Variants in SGCD observed in about 807,000 individuals in gnomAD.
SGCD encodes delta-sarcoglycan.
In SGCD, 18 loss-of-function variants were observed where a neutral mutation model predicts 36.6. The observed-to-expected ratio is 0.49, with a 90% CI of 0.34 to 0.73. The LOEUF (loss-of-function observed/expected upper bound fraction) is 0.73, where lower values mean the gene tolerates loss of function less well. Ranked by LOEUF, SGCD falls within the 30% of genes least tolerant of loss-of-function variation. The pLI, the probability that SGCD is intolerant of heterozygous loss-of-function variation, is 0.01. For missense variants in SGCD, 387 were observed against 346.7 expected, an observed-to-expected ratio of 1.12 and a Z score of -0.92; for synonymous variants, 133 against 130.6, an observed-to-expected ratio of 1.02 and a Z score of -0.12.
At chr5:156,511,848 C>T (rs1263134055) in intron 4 of SGCD, among the ~76,000 whole-genome samples, 2 of 152,148 alleles carry the variant, frequency 1.3e-5, no homozygotes, top group African/African-American at 4.8e-5. Context: ...CAGCGAATCA[C>T]TGAAAATGAA....
chr5:156,132,058 G>T (rs1435334933), intron 3 of SGCD, among the ~76,000 whole-genome samples: 2 of 152,158 alleles, frequency 1.3e-5, no homozygotes, highest in South Asian at 4.1e-4. Flanking sequence ...CTATTACCAA[G>T]TTGCTATATA....
At chr5:156,557,843 A>G (rs951054048) in intron 4 of SGCD, among the ~76,000 whole-genome samples, 6 of 151,944 alleles carry the variant, frequency 3.9e-5, no homozygotes, top group African/African-American at 1.4e-4. Flanking sequence ...TGTATCTTAT[A>G]TAACTTTAAT....
chr5:156,456,760 T>C (rs1426343382), intron 3 of SGCD, among the ~76,000 whole-genome samples: 1 of 152,208 alleles, frequency 6.6e-6, no homozygotes, highest in Non-Finnish European at 1.5e-5. Context: ...CATAAGATTA[T>C]AAATTTCCAT....
intron 5 of SGCD, among the ~76,000 whole-genome samples, chr5:156,590,294 A>T (rs1397643808): frequency 6.6e-6 from 1 of 151,936 alleles, no homozygotes; most frequent in Non-Finnish European, 1.5e-5. Context: ...AGGGAGCCTC[A>T]CTCCCACTCT....
At chr5:156,415,171 A>G (rs867313802) in intron 3 of SGCD, among the ~76,000 whole-genome samples, 1 of 152,178 alleles carries the variant, frequency 6.6e-6, no homozygotes, top group African/African-American at 2.4e-5. Context: ...CTAGAAGAAG[A>G]TGAATCTTAA....
At chr5:156,019,175 C>T (rs1288036987) in intron 1 of SGCD, among the ~76,000 whole-genome samples, 5 of 152,268 alleles carry the variant, frequency 3.3e-5, no homozygotes, top group African/African-American at 1.2e-4. Flanking sequence ...TTCTAATACT[C>T]ACATATTTCA....
At chr5:156,614,182 T>G (rs757982893) in intron 6 of SGCD, among the ~76,000 whole-genome samples, 13 of 152,180 alleles carry the variant, frequency 8.5e-5, no homozygotes, top group Non-Finnish European at 1.8e-4. Flanking sequence ...TGGCCTCAAG[T>G]GATCTACCTG....
intron 7 of SGCD, among the ~76,000 whole-genome samples, chr5:156,699,018 C>G (rs564937549): frequency 1.8e-4 from 27 of 152,228 alleles, no homozygotes; most frequent in African/African-American, 6.5e-4. Flanking sequence ...AGAATAAGCT[C>G]CAGCTACCAT....
At chr5:156,390,346 T>C (rs569785638) in intron 3 of SGCD, among the ~76,000 whole-genome samples, 1 of 152,248 alleles carries the variant, frequency 6.6e-6, no homozygotes, top group East Asian at 1.9e-4. Context: ...TGGGACAAGA[T>C]GTGGAGGTGG....
intron 4 of SGCD, among the ~76,000 whole-genome samples, chr5:156,576,165 A>C (rs1759940635): frequency 6.6e-6 from 1 of 152,000 alleles, no homozygotes; most frequent in Non-Finnish European, 1.5e-5. Context: ...ATGAGTGAGA[A>C]CATGCGGTGT....
At chr5:155,836,480 C>G in the SGCD span, among the ~76,000 whole-genome samples, 2 of 147,372 alleles carry the variant, frequency 1.4e-5, no homozygotes, top group Admixed American at 6.7e-5. Flanking sequence ...ACCCCCGCCC[C>G]GCACTCAATC....
At chr5:156,061,222 C>A (rs981285687) in intron 1 of SGCD, among the ~76,000 whole-genome samples, 1 of 144,750 alleles carries the variant, frequency 6.9e-6, no homozygotes, top group Non-Finnish European at 1.6e-5. Context: ...GTTATCCAAA[C>A]CATACATAGT....
At chr5:155,974,550 A>C (rs982846746) in intron 1 of SGCD, among the ~76,000 whole-genome samples, 1 of 148,970 alleles carries the variant, frequency 6.7e-6, no homozygotes, top group Admixed American at 6.7e-5. Context: ...CTGGACGGCC[A>C]GTAGCAGTGA....
chr5:155,827,017 T>C, the SGCD span, among the ~76,000 whole-genome samples: 21 of 152,256 alleles, frequency 1.4e-4, no homozygotes, highest in Non-Finnish European at 2.5e-4. Context: ...GTGTTCCCTA[T>C]GTAAGAAGAA....
chr5:156,368,877 A>G (rs1420022265), intron 3 of SGCD, among the ~76,000 whole-genome samples: 3 of 152,234 alleles, frequency 2.0e-5, no homozygotes, highest in African/African-American at 4.8e-5. Flanking sequence ...TTGTATAACT[A>G]TTTCATTATA....
the SGCD span, among the ~76,000 whole-genome samples, chr5:155,759,328 A>G: frequency 6.6e-6 from 1 of 152,190 alleles, no homozygotes; most frequent in African/African-American, 2.4e-5. Context: ...AATTTCATGC[A>G]CCATCCCCTT....
intron 3 of SGCD, among the ~76,000 whole-genome samples, chr5:156,149,995 T>G (rs1762795908): frequency 6.6e-6 from 1 of 152,182 alleles, no homozygotes; most frequent in Admixed American, 6.5e-5. Flanking sequence ...CCTTGTTCTC[T>G]CCTCTGTTCT....
chr5:155,956,561 T>G (rs1185652985), intron 1 of SGCD, among the ~76,000 whole-genome samples: 1 of 152,102 alleles, frequency 6.6e-6, no homozygotes, highest in African/African-American at 2.4e-5. Context: ...ACAAACTTGG[T>G]GTTTTCAAGC....
At chr5:155,903,909 A>G (rs566403998) in intron 1 of SGCD, among the ~76,000 whole-genome samples, 1 of 152,076 alleles carries the variant, frequency 6.6e-6, no homozygotes, top group African/African-American at 2.4e-5. Context: ...GGGAGGACAA[A>G]CTCCTCAGCA....
Sources: allele counts gnomAD v4.1 joint callset (sites outside exome capture counted in the v4.1 genomes callset), GRCh38; gene constraint gnomAD v4.1.1; transcripts MANE v1.5; gene names NCBI Gene and HGNC (gene_info 2026-07-23, HGNC 2026-07-21).